Variants in TMPPE observed in about 807,000 individuals in gnomAD.
TMPPE encodes transmembrane protein with metallophosphoesterase domain.
TMPPE carries 16 observed loss-of-function variants against 22.6 expected under a neutral mutation model. The observed-to-expected ratio is 0.71, with a 90% CI of 0.48 to 1.08. TMPPE has a LOEUF of 1.08. Ranked by LOEUF, TMPPE falls within the 50% of genes least tolerant of loss-of-function variation. TMPPE has a pLI of 0.00. For synonymous variants in TMPPE, 240 were observed against 245.3 expected (o/e 0.98, Z 0.20); for missense variants, 526 against 584.3 (o/e 0.90, Z 1.03).
Position 33,093,518 on chromosome 3 carries a change from C to T in TMPPE, c.678G>A (p.Met226Ile), listed in dbSNP as rs1700865050. 1.2e-6 allele frequency: 2 copies of T among 1,614,120 alleles called. No individual in the cohort carries two copies. Among genetic ancestry groups the T allele is most frequent in the African/African-American group, 1.3e-5 (1 of 74,942 alleles). ...CATTCACCATCCTCACAAACATTTCCATCTTGGTCCTGCCCACTGTGGGGC... is the reference window on the plus strand; with the variant it reads ...CATTCACCATCCTCACAAACATTTCTATCTTGGTCCTGCCCACTGTGGGGC... ...HLGPTVGRTK[M>I]EMFVRMVNVL... The change falls in exon 2 of 2, where the codon ATG (methionine) becomes ATA (isoleucine). Residue 226 changes from methionine (M) to isoleucine (I), a missense_variant. Physicochemically the swap from Met to Ile is conservative, Grantham distance 10 (BLOSUM62 1). Coordinates refer to ENST00000342462, the MANE Select transcript of TMPPE (RefSeq NM_001039770.3). This position sits in a 1 kb window ranked among gnomAD's most constrained non-coding sequence, Gnocchi z 6.0.
At position 33,092,407 on chromosome 3, in the gene TMPPE, T is replaced by C. The variant is rs1203618656; in HGVS notation, c.*427A>G. The C allele has an allele frequency of 2.0e-6, 2 of 993,158 alleles. No individual in the cohort carries two copies. Among genetic ancestry groups the C allele is most frequent in the Non-Finnish European group, 2.4e-6 (2 of 834,944 alleles). The allele number at this position is 993,158 out of a possible 1,614,324, so 61.5% of individuals were successfully genotyped here. ...CAGAAAGGCTCTGGATCAATGATTC[T>C]GGAAACCACTTAAGTCCTAAAGACA... On this transcript the variant is annotated 3_prime_UTR_variant, in exon 2 of 2. Transcript: ENST00000342462.
rs1167603449 is a variant in TMPPE, at chr3:33,092,666, T to C, written c.*168A>G. On this transcript the variant is annotated 3_prime_UTR_variant, in exon 2 of 2. Transcript: ENST00000342462. Reference sequence around the variant, plus strand: ...GGAAATAGTTAAACCAGCCTGAACATGCCAGGCAGGCCCACCATAAGTCAC... The same window carrying C: ...GGAAATAGTTAAACCAGCCTGAACACGCCAGGCAGGCCCACCATAAGTCAC... 1.4e-6 allele frequency: 2 copies of C among 1,402,602 alleles called. No homozygotes were observed. The highest frequency in any genetic ancestry group is 2.9e-5 in the Admixed American group (1 of 34,862). The allele number at this position is 1,402,602 out of a possible 1,614,324, so 86.9% of individuals were successfully genotyped here.
rs1051677609 is a variant in TMPPE at position 33,092,227 on chromosome 3, A to G, written c.*607T>C. 1 of 985,618 alleles carries G rather than the reference A, an allele frequency of 1.0e-6. No homozygotes were observed. Among genetic ancestry groups the G allele is most frequent in the African/African-American group, 1.7e-5 (1 of 57,248 alleles). 61.1% of individuals were successfully genotyped at this position (985,618 alleles called of 1,614,324 possible). On this transcript the variant is annotated 3_prime_UTR_variant, in exon 2 of 2. Transcript: ENST00000342462. ...AATAGCATCCCTCAAGGCCTGGAAC[A>G]GGAGGAGCTTTGCATTCCAGTAGAT...
At position 33,096,022 on chromosome 3, in the gene TMPPE, T is replaced by C. The variant is rs560434264; in HGVS notation, c.-109+697A>G. ...GTTCAATCTTGGTTGTAGATAAATG[T>C]ACCACTTTTCTCTGCCCTAGGCACG... On this transcript the variant is annotated intron_variant, in intron 1 of 1. Transcript: ENST00000342462. 5.9e-5 allele frequency among the ~76,000 whole-genome samples: 9 copies of C among 152,362 alleles called. No individual in the cohort carries two copies. The South Asian group carries it at 1.5e-3, about 25-fold the overall frequency.
In TMPPE at chr3:33,092,975, C is replaced by T. The variant is rs1700834355; in HGVS notation, c.1221G>A (p.Leu407=). 1 of 1,614,074 alleles carries T rather than the reference C, an allele frequency of 6.2e-7. No individual in the cohort carries two copies. The highest frequency in any genetic ancestry group is 8.5e-7 in the Non-Finnish European group (1 of 1,180,048). The stretch of plus-strand genomic sequence containing the variant: ...GGTAGAGACCAGCAAAGAAGGGATT[C>T]AGGAGATAGGCTGCTACGTTCAAGG... ...IFPLNVAAYL[L]NPFFAGLYQV... is the part of the protein sequence containing the mutation. The change falls in exon 2 of 2, where the codon CTG becomes CTA. Residue 407 remains leucine (L), a synonymous_variant. Transcript: ENST00000342462.
At position 33,091,752 on chromosome 3, in the gene TMPPE, G is replaced by C; in HGVS notation, c.*1082C>G. Reference sequence around the variant, plus strand: ...CAGGGTTAGCCTCTCCAGTCAGAGCGAGTGTCTTCACTCCCCATTGGAGGA... The same window carrying C: ...CAGGGTTAGCCTCTCCAGTCAGAGCCAGTGTCTTCACTCCCCATTGGAGGA... On this transcript the variant is annotated 3_prime_UTR_variant, in exon 2 of 2. Transcript: ENST00000342462. The C allele has an allele frequency of 2.0e-6, 2 of 985,438 alleles. No homozygotes were observed. Among genetic ancestry groups the C allele is most frequent in the Non-Finnish European group, 2.4e-6 (2 of 829,954 alleles). The allele number at this position is 985,438 out of a possible 1,614,324, so 61.0% of individuals were successfully genotyped here. A position where few individuals can be genotyped will look rare whatever the true frequency, so the allele number is the denominator to read the frequency against.
Position 33,090,675 on chromosome 3 carries a change from A to G in TMPPE, c.*2159T>C. On this transcript the variant is annotated 3_prime_UTR_variant, in exon 2 of 2. Transcript: ENST00000342462. ...CAAAGGGACTAAAGGTGTCATGGAG[A>G]CCTGCCCACCAGGGCCAGAATCTGG... is the stretch of plus-strand genomic sequence containing the variant. The G allele has an allele frequency of 1.0e-6, 1 of 985,470 alleles. No individual in the cohort carries two copies. Among genetic ancestry groups the G allele is most frequent in the Non-Finnish European group, 1.2e-6 (1 of 829,926 alleles). The allele number at this position is 985,470 out of a possible 1,614,324, so 61.0% of individuals were successfully genotyped here.
At position 33,092,870 on chromosome 3, in the gene TMPPE, G is replaced by C; in HGVS notation, c.1326C>G (p.Ala442=). Residue 442 remains alanine (A), a synonymous_variant, in exon 2 of 2, where the codon GCC becomes GCG. Coordinates refer to ENST00000342462, the MANE Select transcript of TMPPE (RefSeq NM_001039770.3). The part of the protein sequence containing the change: ...YGIPMRLGSR[A]EITELILQRS... ...GCTGCAGGATGAGCTCTGTGATCTCGGCCCTGCTACCCAGCCTCATGGGTA... is the reference window on the plus strand; with the variant it reads ...GCTGCAGGATGAGCTCTGTGATCTCCGCCCTGCTACCCAGCCTCATGGGTA... 1 of 1,612,038 alleles carries C rather than the reference G, an allele frequency of 6.2e-7. No individual in the cohort carries two copies. The highest frequency in any genetic ancestry group is 1.3e-5 in the African/African-American group (1 of 75,018).
Position 33,096,895 on chromosome 3 carries a change from C to T in TMPPE, c.-285G>A. On this transcript the variant is annotated 5_prime_UTR_variant, in exon 1 of 2. The change creates a new upstream start codon in the 5' untranslated region. Coordinates refer to ENST00000342462, the MANE Select transcript of TMPPE (RefSeq NM_001039770.3). ...CCGGCCGCGAGCCTGCTGGGGGGCA[C>T]TTCGGGGCTCAGGCTCCCCGCCCTG... The T allele has an allele frequency of 1.3e-6, 2 of 1,501,328 alleles. No individual in the cohort carries two copies. Among genetic ancestry groups the T allele is most frequent in the South Asian group, 2.5e-5 (2 of 78,592 alleles). The allele number at this position is 1,501,328 out of a possible 1,614,324, so 93.0% of individuals were successfully genotyped here.
rs1285017286 is a variant in TMPPE at position 33,090,649 on chromosome 3, A to T, written c.*2185T>A. The T allele has an allele frequency of 1.0e-6, 1 of 985,352 alleles. No homozygotes were observed. The highest frequency in any genetic ancestry group is 1.2e-6 in the Non-Finnish European group (1 of 829,940). 61.0% of individuals were successfully genotyped at this position (985,352 alleles called of 1,614,324 possible). A position where few individuals can be genotyped will look rare whatever the true frequency, so the allele number is the denominator to read the frequency against. Reference sequence around the variant, plus strand: ...AAGGTCCATGGTTTAAGAATGTTGAACAAAGGGACTAAAGGTGTCATGGAG... The same window carrying T: ...AAGGTCCATGGTTTAAGAATGTTGATCAAAGGGACTAAAGGTGTCATGGAG... On this transcript the variant is annotated 3_prime_UTR_variant, in exon 2 of 2. Coordinates refer to ENST00000342462, the MANE Select transcript of TMPPE (RefSeq NM_001039770.3).
chr3:33,094,030 A>C lies in TMPPE; in HGVS notation c.166T>G (p.Leu56Val). ...CAAATGTAGAGGGAGCCAATGAGCA[A>C]GAGCGAGTTGACAAACAGGGCAAGC... ...LQLALFVNSL[L>V]LIGSLYIWRS... is the part of the protein sequence containing the mutation. The change falls in exon 2 of 2, where the codon TTG becomes GTG. Residue 56 changes from leucine (L) to valine (V), a missense_variant. Transcript: ENST00000342462. The C allele has an allele frequency of 6.2e-7, 1 of 1,614,258 alleles. No individual in the cohort carries two copies. The highest frequency in any genetic ancestry group is 2.2e-5 in the East Asian group (1 of 44,888).
intron 1 of TMPPE, 30 bp downstream of exon 1, chr3:33,096,689 A>G: frequency 8.6e-7 from 1 of 1,168,266 alleles, no homozygotes; most frequent in Non-Finnish European, 1.1e-6. Flanking sequence ...CCCCTCCCGG[A>G]AAGCCAACTT....
chr3:33,094,229 C>A lies in TMPPE; in HGVS notation c.-34G>T, dbSNP rs1700907539. 6.4e-7 allele frequency: 1 copy of A among 1,558,168 alleles called. No individual in the cohort carries two copies. The highest frequency in any genetic ancestry group is 1.2e-5 in the South Asian group (1 of 82,658). On this transcript the variant is annotated 5_prime_UTR_variant, in exon 2 of 2. Coordinates refer to ENST00000342462, the MANE Select transcript of TMPPE (RefSeq NM_001039770.3). Reference sequence around the variant, plus strand: ...CTCCTAGTAGGCTCCCCCACCAGTTCTGTGCTGGTGGACTCTGGAAATGAG... The same window carrying A: ...CTCCTAGTAGGCTCCCCCACCAGTTATGTGCTGGTGGACTCTGGAAATGAG...
At chr3:33,096,100 C>T (rs750558765) in intron 1 of TMPPE, among the ~76,000 whole-genome samples, 1 of 152,200 alleles carries the variant, frequency 6.6e-6, no homozygotes, top group Non-Finnish European at 1.5e-5. Flanking sequence ...GTGTCAAATG[C>T]TACCAGCTCT....
In TMPPE at chr3:33,092,413, C is replaced by T. The variant is rs920099651; in HGVS notation, c.*421G>A. 4.0e-6 allele frequency: 4 copies of T among 994,068 alleles called. No homozygotes were observed. In the African/African-American group the frequency reaches 7.0e-5, roughly 17 times the overall value. 61.6% of individuals were successfully genotyped at this position (994,068 alleles called of 1,614,324 possible). On this transcript the variant is annotated 3_prime_UTR_variant, in exon 2 of 2. Coordinates refer to ENST00000342462, the MANE Select transcript of TMPPE (RefSeq NM_001039770.3). ...GGCTCTGGATCAATGATTCTGGAAACCACTTAAGTCCTAAAGACAATTTTA... is the reference window on the plus strand; with the variant it reads ...GGCTCTGGATCAATGATTCTGGAAATCACTTAAGTCCTAAAGACAATTTTA...
At position 33,090,536 on chromosome 3, in the gene TMPPE, T is replaced by A; in HGVS notation, c.*2298A>T. 1.0e-6 allele frequency: 1 copy of A among 985,346 alleles called. No homozygotes were observed. Among genetic ancestry groups the A allele is most frequent in the Non-Finnish European group, 1.2e-6 (1 of 829,928 alleles). 61.0% of individuals were successfully genotyped at this position (985,346 alleles called of 1,614,324 possible). On this transcript the variant is annotated 3_prime_UTR_variant, in exon 2 of 2. Transcript: ENST00000342462. ...TGCATTTCAATTTGCATCTAACAGA[T>A]TAAAAATAAAGAAACAAATGAAATT...
rs1700725716 is a variant in TMPPE at position 33,090,817 on chromosome 3, T to C, written c.*2017A>G. On this transcript the variant is annotated 3_prime_UTR_variant, in exon 2 of 2. Coordinates refer to ENST00000342462, the MANE Select transcript of TMPPE (RefSeq NM_001039770.3). ...ACATAGGATGGACCTGTTTTCTTTC[T>C]GCTAATAGAAAGCAATCAGTCAAGC... 1 of 985,224 alleles carries C rather than the reference T, an allele frequency of 1.0e-6. No homozygotes were observed. Among genetic ancestry groups the C allele is most frequent in the Non-Finnish European group, 1.2e-6 (1 of 829,948 alleles). 61.0% of individuals were successfully genotyped at this position (985,224 alleles called of 1,614,324 possible). A position where few individuals can be genotyped will look rare whatever the true frequency, so the allele number is the denominator to read the frequency against.
At position 33,091,144 on chromosome 3, in the gene TMPPE, C is replaced by G; in HGVS notation, c.*1690G>C. 1.0e-6 allele frequency: 1 copy of G among 985,194 alleles called. No homozygotes were observed. The highest frequency in any genetic ancestry group is 1.2e-6 in the Non-Finnish European group (1 of 829,926). 61.0% of individuals were successfully genotyped at this position (985,194 alleles called of 1,614,324 possible). On this transcript the variant is annotated 3_prime_UTR_variant, in exon 2 of 2. Coordinates refer to ENST00000342462, the MANE Select transcript of TMPPE (RefSeq NM_001039770.3). The stretch of plus-strand genomic sequence containing the variant: ...GTAAGGATGATTCACAAAATGCGGT[C>G]GGGACACAAGAAAAGTGAGTTTGGA...
At position 33,093,958 on chromosome 3, in the gene TMPPE, T is replaced by C. The variant is rs545400877; in HGVS notation, c.238A>G (p.Thr80Ala). Residue 80 changes from threonine to alanine, a missense_variant, in exon 2 of 2, where the codon ACC (threonine) becomes GCC (alanine). Physicochemically the swap from Thr to Ala is moderately conservative, Grantham distance 58. Coordinates refer to ENST00000342462, the MANE Select transcript of TMPPE (RefSeq NM_001039770.3). The surrounding 1 kb of genome is among the most constrained non-coding windows in gnomAD (Gnocchi z 6.0). ...NLCHSPAAES[T>A]CFQLWKVVVL... ...ACCACCTTCCAAAGCTGAAAACAGG[T>C]TGACTCTGCAGCTGGGGAGTGGCAG... 3 of 1,614,098 alleles carry C rather than the reference T, an allele frequency of 1.9e-6. No homozygotes were observed. The highest frequency in any genetic ancestry group is 2.2e-5 in the East Asian group (1 of 44,876).
Sources: allele counts gnomAD v4.1 joint callset (sites outside exome capture counted in the v4.1 genomes callset), GRCh38; gene constraint gnomAD v4.1.1; non-coding constraint Gnocchi (gnomAD v3.1); transcripts MANE v1.5; gene names NCBI Gene and HGNC (gene_info 2026-07-23, HGNC 2026-07-21).